Variants in WWOX observed in about 807,000 individuals in gnomAD.
WWOX encodes WW domain-containing oxidoreductase.
WWOX carries 69 observed loss-of-function variants against 46.2 expected under a neutral mutation model. The ratio of observed to expected loss-of-function variants is 1.49; its 90% CI spans 1.23 to 1.82. The LOEUF is 1.82. WWOX is among the 40% of genes most tolerant of loss of function. WWOX has a pLI of 0.00. For missense variants in WWOX, 919 were observed against 542.6 expected (o/e 1.69, Z -6.89); for synonymous variants, 359 against 202.6 (o/e 1.77, Z -6.56).
At chr16:78,976,881 C>T (rs541753370) in intron 8 of WWOX, among the ~76,000 whole-genome samples, 11 of 152,306 alleles carry the variant, frequency 7.2e-5, no homozygotes, top group African/African-American at 2.2e-4. Flanking sequence ...AAAGTATGCA[C>T]GCCGCACTCC....
At chr16:78,810,410 G>T (rs186992242) in intron 8 of WWOX, among the ~76,000 whole-genome samples, 2 of 152,130 alleles carry the variant, frequency 1.3e-5, no homozygotes, top group South Asian at 2.1e-4. Flanking sequence ...GAATGACAGC[G>T]TATTGGCAGT....
intron 8 of WWOX, among the ~76,000 whole-genome samples, chr16:78,815,637 G>A (rs1158413182): frequency 4.6e-5 from 7 of 152,242 alleles, no homozygotes; most frequent in Admixed American, 6.5e-5. Context: ...AGGAAACTTC[G>A]TCTGAGCCAT....
At chr16:78,109,971 TACTTTTAACATCGCTGGA>T (rs1360511773) in intron 3 of WWOX, 136 bp downstream of exon 3, 4 of 912,920 alleles carry the variant, frequency 4.4e-6, no homozygotes, top group South Asian at 1.5e-5. Context: ...CAGAAGTGAC[TACTTTTAACATCGCTGGA>T]ACTTTTAACA....
At chr16:78,580,791 T>C (rs188422267) in intron 8 of WWOX, among the ~76,000 whole-genome samples, 15 of 152,344 alleles carry the variant, frequency 9.8e-5, no homozygotes, top group Non-Finnish European at 1.9e-4. Flanking sequence ...CATTTAATAA[T>C]GCCATGTATG....
At chr16:78,864,205 T>C (rs1291944928) in intron 8 of WWOX, among the ~76,000 whole-genome samples, 2 of 152,142 alleles carry the variant, frequency 1.3e-5, no homozygotes, top group Non-Finnish European at 2.9e-5. Context: ...CAGGAATTAT[T>C]TTATAAATTT....
chr16:78,153,682 A>G (rs2034497143), intron 4 of WWOX, among the ~76,000 whole-genome samples: 1 of 152,196 alleles, frequency 6.6e-6, no homozygotes, highest in African/African-American at 2.4e-5. Flanking sequence ...ATTTGTCCCC[A>G]GTGTTTCACA....
At chr16:78,298,467 C>T (rs2151865289) in intron 5 of WWOX, among the ~76,000 whole-genome samples, 1 of 152,182 alleles carries the variant, frequency 6.6e-6, no homozygotes, top group Admixed American at 6.5e-5. Flanking sequence ...CCTTATGAGT[C>T]CCGGTTTTCT....
chr16:78,229,894 T>A (rs531724749), intron 5 of WWOX, among the ~76,000 whole-genome samples: 1 of 152,292 alleles, frequency 6.6e-6, no homozygotes, highest in Non-Finnish European at 1.5e-5. Flanking sequence ...TTTCTTTTTT[T>A]TTCTAAACAG....
At chr16:79,152,507 T>C (rs2050300287) in intron 8 of WWOX, among the ~76,000 whole-genome samples, 1 of 151,794 alleles carries the variant, frequency 6.6e-6, no homozygotes, top group South Asian at 2.1e-4. Context: ...CTGTCTCTAC[T>C]AAAAAATACA....
chr16:78,513,591 T>C (rs534743833), intron 8 of WWOX, among the ~76,000 whole-genome samples: 2 of 152,312 alleles, frequency 1.3e-5, no homozygotes, highest in African/African-American at 4.8e-5. Context: ...GGGGAAATAG[T>C]AAAATATTAG....
intron 8 of WWOX, among the ~76,000 whole-genome samples, chr16:78,909,632 C>A (rs755715137): frequency 5.9e-5 from 9 of 152,186 alleles, no homozygotes; most frequent in Non-Finnish European, 1.0e-4. Context: ...TGAAAGTTCC[C>A]TTTCAGAAAT....
chr16:78,230,506 T>G (rs1457514316), intron 5 of WWOX, among the ~76,000 whole-genome samples: 1 of 152,230 alleles, frequency 6.6e-6, no homozygotes. Context: ...TGCATTTGAA[T>G]TAATTGATGA....
At chr16:78,809,899 G>T (rs1370094046) in intron 8 of WWOX, among the ~76,000 whole-genome samples, 1 of 152,136 alleles carries the variant, frequency 6.6e-6, no homozygotes, top group Non-Finnish European at 1.5e-5. Context: ...CTCCTCCCGT[G>T]GGTTAGCATG....
At chr16:78,775,918 C>A (rs139058723) in intron 8 of WWOX, among the ~76,000 whole-genome samples, 106 of 152,300 alleles carry the variant, frequency 7.0e-4, no homozygotes, top group African/African-American at 2.4e-3. Flanking sequence ...CCTTCAAAGA[C>A]AAGGTCAGTC....
At chr16:78,122,521 C>G (rs1452830768) in intron 4 of WWOX, among the ~76,000 whole-genome samples, 2 of 151,898 alleles carry the variant, frequency 1.3e-5, no homozygotes, top group Non-Finnish European at 1.5e-5. Context: ...TACTTAAAAC[C>G]CAATTAAAAT....
intron 8 of WWOX, among the ~76,000 whole-genome samples, chr16:79,186,087 G>C (rs1025934340): frequency 2.0e-5 from 3 of 152,034 alleles, no homozygotes; most frequent in Non-Finnish European, 4.4e-5. Flanking sequence ...GGTGTTTTCT[G>C]CCTGTGGCTG....
chr16:79,026,432 C>T (rs1004310511), intron 8 of WWOX, among the ~76,000 whole-genome samples: 2 of 151,596 alleles, frequency 1.3e-5, no homozygotes, highest in African/African-American at 4.9e-5. Context: ...TGTGGACTCT[C>T]TGGGAACTGT....
At chr16:78,798,818 A>C (rs2050811073) in intron 8 of WWOX, among the ~76,000 whole-genome samples, 1 of 152,210 alleles carries the variant, frequency 6.6e-6, no homozygotes, top group East Asian at 1.9e-4. Context: ...AGAGACTTAG[A>C]AGCTAATGTT....
chr16:78,757,277 G>C (rs2049674816), intron 8 of WWOX, among the ~76,000 whole-genome samples: 1 of 152,176 alleles, frequency 6.6e-6, no homozygotes, highest in South Asian at 2.1e-4. Context: ...ACCATTAACT[G>C]TTCAGCATTA....
Sources: allele counts gnomAD v4.1 joint callset (sites outside exome capture counted in the v4.1 genomes callset), GRCh38; gene constraint gnomAD v4.1.1; transcripts MANE v1.5; gene names NCBI Gene and HGNC (gene_info 2026-07-23, HGNC 2026-07-21).